The following CHODL variants were observed in gnomAD, a reference collection of about 807,000 sequenced individuals.
CHODL encodes transmembrane protein MT75.
In CHODL, 29 loss-of-function variants were observed where a neutral mutation model predicts 34.5. The ratio of observed to expected loss-of-function variants is 0.84; its 90% CI spans 0.63 to 1.15. The LOEUF (loss-of-function observed/expected upper bound fraction) is 1.15, where lower values mean the gene tolerates loss of function less well. Ranked by LOEUF, CHODL falls within the 50% of genes most tolerant of loss-of-function variation. The pLI is 0.00. For synonymous variants in CHODL, 125 were observed against 116.1 expected, an observed-to-expected ratio of 1.08 and a Z score of -0.49; for missense variants, 332 against 332.5, an observed-to-expected ratio of 1.00 and a Z score of 0.01.
At chr21:17,932,297 G>A (rs2063280041) in intron 1 of CHODL, among the ~76,000 whole-genome samples, 2 of 152,062 alleles carry the variant, frequency 1.3e-5, no homozygotes, top group African/African-American at 2.4e-5. Flanking sequence ...TTAAAAAACT[G>A]AAAAACAGCA....
At chr21:18,185,486 G>A (rs898298762) in intron 2 of CHODL, among the ~76,000 whole-genome samples, 1 of 152,082 alleles carries the variant, frequency 6.6e-6, no homozygotes. Flanking sequence ...ATAAACATAC[G>A]GGTGCTTGTG....
intron 5 of CHODL, among the ~76,000 whole-genome samples, chr21:18,264,688 T>C (rs2074429424): frequency 6.6e-6 from 1 of 150,588 alleles, no homozygotes; most frequent in African/African-American, 2.4e-5. Context: ...TGAAAAGTTA[T>C]CGTGTTGTGG....
chr21:17,931,329 A>G (rs2063271803), intron 1 of CHODL, among the ~76,000 whole-genome samples: 1 of 152,242 alleles, frequency 6.6e-6, no homozygotes. Flanking sequence ...AACAAGAAGT[A>G]CACAAGGCTA....
At chr21:18,061,589 C>T (rs893590862) in intron 2 of CHODL, among the ~76,000 whole-genome samples, 3 of 152,078 alleles carry the variant, frequency 2.0e-5, no homozygotes, top group African/African-American at 4.8e-5. Flanking sequence ...TATGGTAGAG[C>T]CCTTAAATAT....
chr21:18,264,861 G>A (rs980688768), intron 5 of CHODL, among the ~76,000 whole-genome samples: 3 of 151,978 alleles, frequency 2.0e-5, no homozygotes, highest in Non-Finnish European at 2.9e-5. Flanking sequence ...CAGAGACTGA[G>A]GCACCAGTAA....
chr21:17,918,315 G>A (rs79009645), intron 1 of CHODL, among the ~76,000 whole-genome samples: 1,544 of 152,116 alleles, frequency 0.01, 36 homozygotes, highest in East Asian at 0.066. Flanking sequence ...GTATTAGTCC[G>A]TTTTCACACT....
At chr21:17,954,024 A>T (rs2063479159) in intron 1 of CHODL, among the ~76,000 whole-genome samples, 1 of 152,176 alleles carries the variant, frequency 6.6e-6, no homozygotes, top group African/African-American at 2.4e-5. Context: ...AAATTTTTTT[A>T]AATAAATAAA....
rs193041221 is a variant in CHODL at position 18,076,766 on chromosome 21, G to C, written c.-45+48795G>C. ...GGGTGCAAGAGCCCCAGCAAGGGTG[G>C]AGCCACTGGAGAGAGCCCTCATTAG... On this transcript the variant is annotated intron_variant, in intron 2 of 6. Transcript: ENST00000400127. Among the ~76,000 whole-genome samples the C allele has an allele frequency of 5.9e-4, 90 of 152,308 alleles. 1 individual carries two copies. The highest frequency in any genetic ancestry group is 6.8e-3 in the Middle Eastern group (2 of 294).
At chr21:18,237,143 G>T (rs2074035869) in intron 2 of CHODL, among the ~76,000 whole-genome samples, 2 of 152,074 alleles carry the variant, frequency 1.3e-5, no homozygotes, top group African/African-American at 4.8e-5. Flanking sequence ...GGTATGAACT[G>T]CACTGTTCTG....
At chr21:18,009,975 T>C (rs2063998682) in intron 1 of CHODL, among the ~76,000 whole-genome samples, 2 of 151,332 alleles carry the variant, frequency 1.3e-5, no homozygotes, top group South Asian at 4.2e-4. Context: ...CACAGAGATA[T>C]GATTTACACT....
At chr21:18,144,087 T>C (rs9981306) in intron 2 of CHODL, among the ~76,000 whole-genome samples, 7,229 of 152,128 alleles carry the variant, frequency 0.048, 517 homozygotes, top group African/African-American at 0.16. Context: ...GGATTTCTTG[T>C]ATTCGGTCAA....
At chr21:18,059,723 T>C (rs1368377618) in intron 2 of CHODL, among the ~76,000 whole-genome samples, 2 of 152,144 alleles carry the variant, frequency 1.3e-5, no homozygotes, top group Non-Finnish European at 2.9e-5. Flanking sequence ...TCAGCTCTGT[T>C]AGCCTCACCA....
chr21:18,193,149 G>T (rs1346622680), intron 2 of CHODL, among the ~76,000 whole-genome samples: 2 of 152,120 alleles, frequency 1.3e-5, no homozygotes, highest in African/African-American at 4.8e-5. Context: ...AATAGTATCT[G>T]TGAGAAGGGA....
chr21:17,970,454 A>G (rs2063605736), intron 1 of CHODL, among the ~76,000 whole-genome samples: 1 of 152,200 alleles, frequency 6.6e-6, no homozygotes, highest in South Asian at 2.1e-4. Context: ...TTCATGAATG[A>G]TGTATGGAAT....
chr21:17,967,774 A>G (rs768142670), intron 1 of CHODL, among the ~76,000 whole-genome samples: 5 of 152,004 alleles, frequency 3.3e-5, no homozygotes, highest in Non-Finnish European at 5.9e-5. Flanking sequence ...ACATATTTCT[A>G]TTGGTTCAGG....
chr21:17,944,300 C>T lies in CHODL; in HGVS notation c.-145+26900C>T, dbSNP rs533659408. On this transcript the variant is annotated intron_variant, in intron 1 of 6. Transcript: ENST00000400127. Reference sequence around the variant, plus strand: ...CTCAGAAAAGTTAAGTGGCTCTACACCAGCCTAACCCAGAAAGGCAAGCAG... The same window carrying T: ...CTCAGAAAAGTTAAGTGGCTCTACATCAGCCTAACCCAGAAAGGCAAGCAG... Among the ~76,000 whole-genome samples, 3 of 152,278 alleles carry T rather than the reference C, an allele frequency of 2.0e-5. No individual in the cohort carries two copies. In the South Asian group the frequency reaches 6.2e-4, roughly 32 times the overall value.
At chr21:18,065,623 C>T (rs548158513) in intron 2 of CHODL, among the ~76,000 whole-genome samples, 1 of 152,208 alleles carries the variant, frequency 6.6e-6, no homozygotes, top group African/African-American at 2.4e-5. Context: ...AGAAAAGAAC[C>T]AGACAGAGCA....
intron 1 of CHODL, 55 bp downstream of exon 1, chr21:18,245,357 G>T: frequency 7.1e-7 from 1 of 1,404,732 alleles, no homozygotes; most frequent in African/African-American, 1.5e-5. Context: ...ACCACGGGGC[G>T]CGGCGGGCAG....
intron 2 of CHODL, among the ~76,000 whole-genome samples, chr21:18,070,025 T>TCCCCCC (rs762159927): frequency 3.4e-5 from 1 of 29,090 alleles, no homozygotes; most frequent in African/African-American, 8.2e-5. Context: ...TTCCCTTCCC[T>TCCCCCC]CCCCCCCCCC....
Sources: gnomAD v4.1 joint callset for allele counts (sites outside exome capture counted in the v4.1 genomes callset) on GRCh38, gnomAD v4.1.1 for gene constraint, MANE v1.5 for transcripts, NCBI Gene and HGNC (gene_info 2026-07-23, HGNC 2026-07-21) for gene names.